Variants in PTPRC observed in about 807,000 individuals in gnomAD.
PTPRC encodes the protein protein tyrosine phosphatase receptor type C.
A neutral mutation model predicts 155.9 loss-of-function variants in PTPRC; 44 were observed. The observed-to-expected ratio is 0.28, with a 90% CI of 0.22 to 0.36. The LOEUF is 0.36. Among genes scored for constraint, PTPRC ranks in the 10% least tolerant of loss-of-function variants. The probability of loss-of-function intolerance (pLI) is 1.00; values close to 1 mark genes in which losing one functional copy is unlikely to be tolerated. For missense variants in PTPRC, 1,401 were observed against 1,564.6 expected, an observed-to-expected ratio of 0.90 and a Z score of 1.76; for synonymous variants, 525 against 533.1, an observed-to-expected ratio of 0.98 and a Z score of 0.21.
At chr1:198,729,293 G>A (rs1654283572) in intron 17 of PTPRC, 122 bp downstream of exon 17, 2 of 1,215,998 alleles carry the variant, frequency 1.6e-6, no homozygotes, top group Non-Finnish European at 2.2e-6. Flanking sequence ...CCAGGCTGAA[G>A]TGTGGTGGTG....
At chr1:198,690,013 G>A (rs2102361189) in intron 2 of PTPRC, among the ~76,000 whole-genome samples, 1 of 152,224 alleles carries the variant, frequency 6.6e-6, no homozygotes, top group East Asian at 1.9e-4. Context: ...GAACCTAAGT[G>A]AACTAAATTA....
At chr1:198,725,150 C>A (rs1242041695) in intron 15 of PTPRC, among the ~76,000 whole-genome samples, 1 of 152,082 alleles carries the variant, frequency 6.6e-6, no homozygotes, top group Non-Finnish European at 1.5e-5. Context: ...CCTTTGTAAC[C>A]TGAAGATTTA....
At chr1:198,707,921 A>G (rs761885977) in intron 9 of PTPRC, among the ~76,000 whole-genome samples, 3 of 152,226 alleles carry the variant, frequency 2.0e-5, no homozygotes, top group Non-Finnish European at 2.9e-5. Context: ...AAACACTACC[A>G]AAATATATGG....
intron 2 of PTPRC, among the ~76,000 whole-genome samples, chr1:198,664,532 C>T (rs1664168080): frequency 6.6e-6 from 1 of 152,158 alleles, no homozygotes; most frequent in Non-Finnish European, 1.5e-5. Flanking sequence ...AAAATTCTTT[C>T]TCAACTACCA....
intron 3 of PTPRC, among the ~76,000 whole-genome samples, chr1:198,695,992 T>A (rs1342446457): frequency 3.3e-5 from 5 of 152,054 alleles, no homozygotes; most frequent in Non-Finnish European, 7.4e-5. Flanking sequence ...AAACCCCATC[T>A]CTACTAAAAG....
rs724159907 is a variant in PTPRC, at chr1:198,752,721, C to T, written c.3458C>T (p.Ser1153Phe). The T allele has an allele frequency of 1.9e-6, 3 of 1,612,840 alleles. No individual in the cohort carries two copies. The highest frequency in any genetic ancestry group is 2.5e-6 in the Non-Finnish European group (3 of 1,179,350). Reference sequence around the variant, plus strand: ...AAACAAAAACTTCCCCAGAAGAATTCCTCTGAAGGGAACAAGCATCACAAG... The same window carrying T: ...AAACAAAAACTTCCCCAGAAGAATTTCTCTGAAGGGAACAAGCATCACAAG... The part of the protein sequence containing the change: ...VVKQKLPQKN[S>F]SEGNKHHKST... Residue 1153 changes from serine (S) to phenylalanine (F), a missense_variant, in exon 31 of 33, where the codon TCC (serine) becomes TTC (phenylalanine). Around this residue, in one of 3 missense-constraint regions of PTPRC, gnomAD observed 400 missense variants for 389.5 expected, o/e 1.03. Transcript: ENST00000442510.
rs149282179 is a variant in PTPRC at position 198,685,584 on chromosome 1, G to A, written c.74-6763G>A. 3.4e-3 allele frequency among the ~76,000 whole-genome samples: 517 copies of A among 152,024 alleles called. 6 individuals are homozygous for A. Among genetic ancestry groups the A allele is most frequent in the African/African-American group, 0.011 (461 of 41,488 alleles). ...AATACTTAATAATTTAATATGATTT[G>A]TTAGATTTATTGTCTGTGGACCATA... On this transcript the variant is annotated intron_variant, in intron 2 of 32. Coordinates refer to ENST00000442510, the MANE Select transcript of PTPRC (RefSeq NM_002838.5).
At position 198,639,094 on chromosome 1, in the gene PTPRC, CAG is replaced by C. The variant is rs1279286155; in HGVS notation, c.-84_-83del. The C allele has an allele frequency of 1.7e-4, 105 of 634,784 alleles. No homozygotes were observed. Among genetic ancestry groups the C allele is most frequent in the Admixed American group, 3.2e-4 (13 of 40,976 alleles). The allele number at this position is 634,784 out of a possible 1,614,324, so 39.3% of individuals were successfully genotyped here. ...AGCAAGTGGTTTGTTCTTAGGGTAACAGAGGAGGAAATTGTTCCTCGTCTGAT... is the reference window on the plus strand; with the variant it reads ...AGCAAGTGGTTTGTTCTTAGGGTAACAGGAGGAAATTGTTCCTCGTCTGAT... On this transcript the variant is annotated 5_prime_UTR_variant, in exon 1 of 33. Coordinates refer to ENST00000442510, the MANE Select transcript of PTPRC (RefSeq NM_002838.5).
chr1:198,678,554 C>T (rs1316782092), intron 2 of PTPRC, among the ~76,000 whole-genome samples: 2 of 152,040 alleles, frequency 1.3e-5, no homozygotes, highest in African/African-American at 4.8e-5. Flanking sequence ...ATGCTTTTTC[C>T]AGGATTGCTT....
intron 2 of PTPRC, among the ~76,000 whole-genome samples, chr1:198,661,593 C>T (rs997712434): frequency 3.3e-5 from 5 of 151,788 alleles, no homozygotes; most frequent in African/African-American, 1.2e-4. Context: ...CTTCTTAGTA[C>T]TGTTAGGTAA....
At chr1:198,654,321 T>C (rs1274530146) in intron 2 of PTPRC, among the ~76,000 whole-genome samples, 2 of 151,790 alleles carry the variant, frequency 1.3e-5, no homozygotes, top group African/African-American at 4.8e-5. Flanking sequence ...AATAAATAAA[T>C]AAATGACAGC....
chr1:198,750,534 C>A lies in PTPRC; in HGVS notation c.3115C>A (p.Leu1039Met). ...AGTGATGATTGCTGCTCAGGGACCA[C>A]TGAAGGAGACCATTGGTGACTTTTG... is the stretch of plus-strand genomic sequence containing the variant. ...PEVMIAAQGP[L>M]KETIGDFWQM... Residue 1039 changes from leucine (L) to methionine (M), a missense_variant, in exon 29 of 33, where the codon CTG becomes ATG. Leu to Met is a conservative substitution (Grantham distance 15). Around this residue, in one of 3 missense-constraint regions of PTPRC, gnomAD observed 400 missense variants for 389.5 expected, o/e 1.03. Coordinates refer to ENST00000442510, the MANE Select transcript of PTPRC (RefSeq NM_002838.5). 6.2e-7 allele frequency: 1 copy of A among 1,612,292 alleles called. No homozygotes were observed. The highest frequency in any genetic ancestry group is 8.5e-7 in the Non-Finnish European group (1 of 1,178,736).
chr1:198,648,385 G>T (rs1277348448), intron 2 of PTPRC, among the ~76,000 whole-genome samples: 3 of 151,580 alleles, frequency 2.0e-5, no homozygotes, highest in Admixed American at 1.3e-4. Context: ...GTAGGGGGTG[G>T]GGTGAAGGCT....
In PTPRC at chr1:198,752,242, T is replaced by C; in HGVS notation, c.3208-7T>C. 2.5e-6 allele frequency: 4 copies of C among 1,610,600 alleles called. No homozygotes were observed. The highest frequency in any genetic ancestry group is 3.4e-6 in the Non-Finnish European group (4 of 1,177,306). ...AACAAATTGTTGAATTGTCTTCTTT[T>C]ATCTAGGAAATCTGTGCTCAGTACT... On this transcript the variant is annotated splice_polypyrimidine_tract_variant and splice_region_variant and intron_variant, in intron 29 of 32. Coordinates refer to ENST00000442510, the MANE Select transcript of PTPRC (RefSeq NM_002838.5).
In PTPRC at chr1:198,639,084, C is replaced by G; in HGVS notation, c.-97C>G. 3 of 612,982 alleles carry G rather than the reference C, an allele frequency of 4.9e-6. No homozygotes were observed. The allele number at this position is 612,982 out of a possible 1,614,324, so 38.0% of individuals were successfully genotyped here. On this transcript the variant is annotated 5_prime_UTR_variant, in exon 1 of 33. Coordinates refer to ENST00000442510, the MANE Select transcript of PTPRC (RefSeq NM_002838.5). ...TCATGCAGCTAGCAAGTGGTTTGTT[C>G]TTAGGGTAACAGAGGAGGAAATTGT...
At chr1:198,679,596 A>G in intron 2 of PTPRC, 2 of 204,564 alleles carry the variant, frequency 9.8e-6, no homozygotes. Context: ...GAAGGATGCC[A>G]TTTTGAATTT....
intron 26 of PTPRC, among the ~76,000 whole-genome samples, chr1:198,747,158 G>C (rs1378877547): frequency 1.3e-5 from 2 of 151,630 alleles, no homozygotes; most frequent in Non-Finnish European, 2.9e-5. Context: ...ACTGTAGGCA[G>C]GGGTGTCTTC....
intron 5 of PTPRC, 50 bp from the exon 6 acceptor site, chr1:198,702,337 C>G (rs758822854): frequency 7.8e-5 from 126 of 1,612,796 alleles, no homozygotes; most frequent in Non-Finnish European, 8.8e-5. Context: ...TGGCTATTGC[C>G]CTTGCGTGAC....
intron 27 of PTPRC, among the ~76,000 whole-genome samples, chr1:198,748,500 C>G (rs1331522720): frequency 6.6e-6 from 1 of 151,700 alleles, no homozygotes; most frequent in Non-Finnish European, 1.5e-5. Flanking sequence ...GAGCAAGTCT[C>G]TTTTACCCAT....
Sources: gnomAD v4.1 joint callset for allele counts (sites outside exome capture counted in the v4.1 genomes callset) on GRCh38, gnomAD v4.1.1 for gene constraint, gnomAD v4.1.1 regional missense constraint, MANE v1.5 for transcripts, NCBI Gene and HGNC (gene_info 2026-07-23, HGNC 2026-07-21) for gene names.